OTUD4: variants seen among roughly 807,000 people sequenced by gnomAD.
OTUD4 encodes the protein OTU deubiquitinase 4, also known as OTU domain-containing protein 4.
OTUD4 carries 24 observed loss-of-function variants against 130.4 expected under a neutral mutation model. That is an observed-to-expected ratio of 0.18 (90% CI 0.13 to 0.26). OTUD4 has a LOEUF of 0.26. Among genes scored for constraint, OTUD4 ranks in the 10% least tolerant of loss-of-function variants. The pLI is 1.00. For missense variants in OTUD4, 1,031 were observed against 1,329.4 expected, an observed-to-expected ratio of 0.78 and a Z score of 3.49; for synonymous variants, 420 against 472.5, an observed-to-expected ratio of 0.89 and a Z score of 1.44.
chr4:145,149,697 A>C (rs1750979657), intron 13 of OTUD4: 1 of 152,210 alleles, frequency 6.6e-6, no homozygotes, highest in Non-Finnish European at 1.5e-5. Flanking sequence ...AAAAAAAGGA[A>C]CACCCAAATG....
rs1750384645 is a variant in OTUD4 at position 145,138,302 on chromosome 4, C to A, written c.2473G>T (p.Ala825Ser). 1.2e-6 allele frequency: 2 copies of A among 1,614,080 alleles called. No homozygotes were observed. The highest frequency in any genetic ancestry group is 1.7e-6 in the Non-Finnish European group (2 of 1,179,958). Residue 825 changes from alanine to serine, a missense_variant, in exon 21 of 21, where the codon GCT (alanine) becomes TCT (serine). Physicochemically the swap from Ala to Ser is moderately conservative, Grantham distance 99. Coordinates refer to ENST00000447906, the MANE Select transcript of OTUD4 (RefSeq NM_001366057.1). ...CCACTTAGTGACTCTTCATAATCAG[C>A]ATGCAGAAGCTGCCCAGGGGTCTCA... ...ESETPGQLLH[A>S]DYEESLSGKN... is the part of the protein sequence containing the mutation.
chr4:145,173,801 T>C (rs777879088), intron 2 of OTUD4, among the ~76,000 whole-genome samples: 1 of 152,176 alleles, frequency 6.6e-6, no homozygotes, highest in Non-Finnish European at 1.5e-5. Flanking sequence ...CACTGTGGCA[T>C]CTTATTTCAC....
At chr4:145,140,954 G>A (rs1032630493) in intron 19 of OTUD4, among the ~76,000 whole-genome samples, 5 of 151,758 alleles carry the variant, frequency 3.3e-5, no homozygotes, top group African/African-American at 9.7e-5. Flanking sequence ...TTACGAGGTC[G>A]GGAGATCGAG....
rs767022399 is a variant in OTUD4 at position 145,150,562 on chromosome 4, A to G, written c.1210T>C (p.Phe404Leu). 6.2e-7 allele frequency: 1 copy of G among 1,612,282 alleles called. No homozygotes were observed. Among genetic ancestry groups the G allele is most frequent in the South Asian group, 1.1e-5 (1 of 90,986 alleles). ...CTAAGATTTTTGTGCTCACTGGAGA[A>G]TTTCTGAGACTGTGACCCTGAAGAA... ...SHSSGSQSQK[F>L]SSEHKNLSRT... Residue 404 changes from phenylalanine (F) to leucine (L), a missense_variant, in exon 13 of 21, where the codon TTC (phenylalanine) becomes CTC (leucine). This residue lies in a region of OTUD4 where 900 missense variants were observed against 1,095.9 expected (regional missense o/e 0.82). Coordinates refer to ENST00000447906, the MANE Select transcript of OTUD4 (RefSeq NM_001366057.1).
At position 145,180,107 on chromosome 4, in the gene OTUD4, G is replaced by A. The variant is rs1057262195; in HGVS notation, c.-134C>T. 60 of 604,234 alleles carry A rather than the reference G, an allele frequency of 9.9e-5. No homozygotes were observed. Among genetic ancestry groups the A allele is most frequent in the Non-Finnish European group, 1.2e-4 (57 of 465,014 alleles). The allele number at this position is 604,234 out of a possible 1,614,324, so 37.4% of individuals were successfully genotyped here. On this transcript the variant is annotated 5_prime_UTR_variant, in exon 1 of 21. Transcript: ENST00000447906. ...TCGGGCTCCGCGAGCGGCGGCAGGC[G>A]GCGGCGGCCCGAGGCAGCGGTCCGC... is the stretch of plus-strand genomic sequence containing the variant.
At chr4:145,138,703 T>C (rs1036386903) in intron 20 of OTUD4, 53 bp from the exon 21 acceptor site, 3 of 1,512,896 alleles carry the variant, frequency 2.0e-6, no homozygotes, top group East Asian at 2.3e-5. Flanking sequence ...AAAGAGAGGT[T>C]TGGGTGGATA....
Position 145,180,428 on chromosome 4 carries a change from C to T in OTUD4, c.-455G>A, listed in dbSNP as rs1272585503. On this transcript the variant is annotated 5_prime_UTR_variant, in exon 1 of 21. Coordinates refer to ENST00000447906, the MANE Select transcript of OTUD4 (RefSeq NM_001366057.1). The stretch of plus-strand genomic sequence containing the variant: ...CCTGCGCCCCCGCGCACTCCCCACG[C>T]CGGGAGCCGAGGAAACCAAAAAGAA... Among the ~76,000 whole-genome samples the T allele has an allele frequency of 6.6e-6, 1 of 152,208 alleles. No individual in the cohort carries two copies. Among genetic ancestry groups the T allele is most frequent in the Non-Finnish European group, 1.5e-5 (1 of 68,014 alleles).
At position 145,144,189 on chromosome 4, in the gene OTUD4, AAT is replaced by A. The variant is rs1750714408; in HGVS notation, c.1546+120_1546+121del. 15 of 1,175,668 alleles carry A rather than the reference AAT, an allele frequency of 1.3e-5. No individual in the cohort carries two copies. The South Asian group carries it at 2.2e-4, about 17-fold the overall frequency. 72.8% of individuals were successfully genotyped at this position (1,175,668 alleles called of 1,614,324 possible). A position where few individuals can be genotyped will look rare whatever the true frequency, so the allele number is the denominator to read the frequency against. Reference sequence around the variant, plus strand: ...GTCAATACTTCTCTGCAACATTCAAAATATGTGACATTAGATAAACTACTTAA... The same window carrying A: ...GTCAATACTTCTCTGCAACATTCAAAATGTGACATTAGATAAACTACTTAA... On this transcript the variant is annotated intron_variant, in intron 15 of 20. Transcript: ENST00000447906.
At chr4:145,162,184 T>C (rs751382310) in intron 6 of OTUD4, among the ~76,000 whole-genome samples, 1 of 152,206 alleles carries the variant, frequency 6.6e-6, no homozygotes, top group Non-Finnish European at 1.5e-5. Context: ...ATTAATACTC[T>C]TGGTAATTTA....
At chr4:145,175,678 G>A (rs1474164219) in intron 1 of OTUD4, among the ~76,000 whole-genome samples, 1 of 151,760 alleles carries the variant, frequency 6.6e-6, no homozygotes, top group Non-Finnish European at 1.5e-5. Context: ...CTGAGTAGCT[G>A]GGATTACAGC....
At chr4:145,156,779 AT>A (rs1281818867) in intron 7 of OTUD4, among the ~76,000 whole-genome samples, 13 of 152,162 alleles carry the variant, frequency 8.5e-5, no homozygotes, top group Admixed American at 8.5e-4. Context: ...ACACCTACAC[AT>A]TCATATACTC....
chr4:145,150,130 CTGTTT>C (rs1272187503), intron 13 of OTUD4, among the ~76,000 whole-genome samples: 1 of 152,142 alleles, frequency 6.6e-6, no homozygotes, highest in Non-Finnish European at 1.5e-5. Flanking sequence ...TAATTTTGGG[CTGTTT>C]TAAGTTCTTG....
At position 145,141,386 on chromosome 4, in the gene OTUD4, T is replaced by G. The variant is rs778717069; in HGVS notation, c.2076A>C (p.Leu692=). Residue 692 remains leucine, a synonymous_variant, in exon 19 of 21, where the codon CTA becomes CTC. Coordinates refer to ENST00000447906, the MANE Select transcript of OTUD4 (RefSeq NM_001366057.1). ...CTTGGAGAAGGAGCTCACCTTTAGG[T>G]AGGTCCTCCCCAGTCTGACACAGTG... ...PYSLCQTGED[L]PKDKNILRFF... 2 of 1,599,448 alleles carry G rather than the reference T, an allele frequency of 1.3e-6. No homozygotes were observed. Among genetic ancestry groups the G allele is most frequent in the Non-Finnish European group, 1.7e-6 (2 of 1,173,828 alleles).
rs1419509652 is a variant in OTUD4 at position 145,135,590 on chromosome 4, A to AG, written c.*1839dup. On this transcript the variant is annotated 3_prime_UTR_variant, in exon 21 of 21. Transcript: ENST00000447906. ...CCGATGTTAAGAAAAAAATGGCTTA[A>AG]GCGGTACCTTCAACAACTATTCTAG... 1 of 152,584 alleles carries AG rather than the reference A, an allele frequency of 6.6e-6. No individual in the cohort carries two copies. Among genetic ancestry groups the AG allele is most frequent in the Non-Finnish European group, 1.5e-5 (1 of 68,042 alleles). 9.5% of individuals were successfully genotyped at this position (152,584 alleles called of 1,614,324 possible).
At chr4:145,172,144 T>C (rs1752201846) in intron 2 of OTUD4, among the ~76,000 whole-genome samples, 1 of 152,224 alleles carries the variant, frequency 6.6e-6, no homozygotes, top group African/African-American at 2.4e-5. Context: ...AAGGGGGGCC[T>C]GTTTACAGAG....
intron 3 of OTUD4, among the ~76,000 whole-genome samples, chr4:145,167,859 TAAAAA>T (rs900066740): frequency 1.3e-5 from 2 of 151,578 alleles, no homozygotes; most frequent in African/African-American, 4.8e-5. Context: ...ACTCCATCTC[TAAAAA>T]AAATTAAAAA....
At chr4:145,150,073 TAA>T (rs1750995865) in intron 13 of OTUD4, among the ~76,000 whole-genome samples, 2 of 152,356 alleles carry the variant, frequency 1.3e-5, no homozygotes, top group South Asian at 2.1e-4. Context: ...CATTCGGTAT[TAA>T]GAGACATCAC....
chr4:145,178,315 A>C (rs1415583806), intron 1 of OTUD4, among the ~76,000 whole-genome samples: 1 of 152,164 alleles, frequency 6.6e-6, no homozygotes. Flanking sequence ...ACTCAAATCC[A>C]AGTAAGCGCC....
chr4:145,169,518 C>G (rs1008571154), intron 3 of OTUD4, among the ~76,000 whole-genome samples: 2 of 152,044 alleles, frequency 1.3e-5, no homozygotes, highest in East Asian at 3.9e-4. Context: ...GGAGTCTCAC[C>G]CTGTTGCCCA....
Sources: gnomAD v4.1 joint callset for allele counts (sites outside exome capture counted in the v4.1 genomes callset) on GRCh38, gnomAD v4.1.1 for gene constraint, gnomAD v4.1.1 regional missense constraint, MANE v1.5 for transcripts, NCBI Gene and HGNC (gene_info 2026-07-23, HGNC 2026-07-21) for gene names.